PLEC: variants seen among roughly 807,000 people sequenced by gnomAD.
The protein encoded by PLEC is plectin, also known as hemidesmosomal protein 1.
A neutral mutation model predicts 392.8 loss-of-function variants in PLEC; 216 were observed. The observed-to-expected ratio is 0.55, with a 90% CI of 0.49 to 0.62. The LOEUF is 0.62. Among genes scored for constraint, PLEC ranks in the 20% least tolerant of loss-of-function variants. PLEC has a pLI of 0.00. For missense variants in PLEC, 6,863 were observed against 6,563.4 expected (o/e 1.05, Z -1.58); for synonymous variants, 3,621 against 2,980.6 (o/e 1.21, Z -7.00).
Position 143,924,376 on chromosome 8 carries a change from C to T in PLEC, c.5553G>A (p.Glu1851=). 1.3e-6 allele frequency: 2 copies of T among 1,596,654 alleles called. No individual in the cohort carries two copies. Among genetic ancestry groups the T allele is most frequent in the Non-Finnish European group, 1.7e-6 (2 of 1,178,616 alleles). Residue 1851 remains glutamate (E), a synonymous_variant, in exon 31 of 32, where the codon GAG becomes GAA. Transcript: ENST00000345136. ...AIGEATRLKT[E]AEIALKEKEA... ...CCTTCTCCTTGAGCGCGATCTCCGC[C>T]TCCGTCTTGAGCCGCGTGGCCTCGC...
In PLEC at chr8:143,921,795, G is replaced by A; in HGVS notation, c.8026C>T (p.His2676Tyr). The change falls in exon 32 of 32, where the codon CAC (histidine) becomes TAC (tyrosine). Residue 2676 changes from histidine (H) to tyrosine (Y), a missense_variant. His to Tyr is a moderately conservative substitution (Grantham distance 83, BLOSUM62 2). Coordinates refer to ENST00000345136, the MANE Select transcript of PLEC (RefSeq NM_201384.3). ...CGTGCGAGCTCGTCCACCGTGGTGT[G>A]GCCCTGCGCCAACCGCTGCAGCTCC... Reference protein sequence around the residue: ...AEELQRLAQGHTTVDELARRE... With the variant: ...AEELQRLAQGYTTVDELARRE... 6.2e-7 allele frequency: 1 copy of A among 1,610,348 alleles called. No homozygotes were observed. The highest frequency in any genetic ancestry group is 8.5e-7 in the Non-Finnish European group (1 of 1,179,710).
upstream of PLEC, chr8:143,953,995 G>C: frequency 8.4e-7 from 1 of 1,194,528 alleles, no homozygotes; most frequent in African/African-American, 1.6e-5. Flanking sequence ...TGTGGTTCTG[G>C]GGCACGCGAC....
chr8:143,939,368 C>G lies in PLEC; in HGVS notation c.94G>C (p.Ala32Pro), dbSNP rs1318860261. Residue 32 changes from alanine (A) to proline (P), a missense_variant, in exon 1 of 32, where the codon GCC becomes CCC. By Grantham distance (27) the Ala-to-Pro change is conservative. Transcript: ENST00000345136. ...CTGCTACCTTTCTTGCCCTCAGAGG[C>G]CCTGAGCACAGCCAGGTACAGGTTG... ...EDNLYLAVLRASEGKKDERDR... is the reference protein window; with the variant it reads ...EDNLYLAVLRPSEGKKDERDR... 9.3e-6 allele frequency: 15 copies of G among 1,612,376 alleles called. No homozygotes were observed. The highest frequency in any genetic ancestry group is 1.3e-5 in the Non-Finnish European group (15 of 1,179,714).
chr8:143,946,508 C>A (rs1019953830), intron 1 of PLEC: 7 of 715,624 alleles, frequency 9.8e-6, no homozygotes, highest in Non-Finnish European at 1.4e-5. Flanking sequence ...AGCAGCGGCT[C>A]CTCCTCGCAG....
In PLEC at chr8:143,922,167, T is replaced by C; in HGVS notation, c.7654A>G (p.Met2552Val). 2 of 1,541,824 alleles carry C rather than the reference T, an allele frequency of 1.3e-6. No homozygotes were observed. Among genetic ancestry groups the C allele is most frequent in the Non-Finnish European group, 1.7e-6 (2 of 1,148,704 alleles). Reference protein sequence around the residue: ...EQERQRLVASMEEARRRQHEA... With the variant: ...EQERQRLVASVEEARRRQHEA... ...TGCTGCCGCCGCCGCGCCTCCTCCA[T>C]GCTGGCCACCAGCCGCTGCCGTTCC... The change falls in exon 32 of 32, where the codon ATG (methionine) becomes GTG (valine). Residue 2552 changes from methionine (M) to valine (V), a missense_variant. Transcript: ENST00000345136.
In PLEC at chr8:143,927,701, C is replaced by T. The variant is rs782406935; in HGVS notation, c.3465G>A (p.Gly1155=). The T allele has an allele frequency of 5.0e-6, 8 of 1,584,864 alleles. 1 individual carries two copies. In the South Asian group the frequency reaches 9.1e-5, roughly 18 times the overall value. Residue 1155 remains glycine, a synonymous_variant, in exon 27 of 32, where the codon GGG becomes GGA. Transcript: ENST00000345136. The part of the protein sequence containing the change: ...TFDALRDELR[G]AQEVGERLQQ... ...GCAGTCGCTCCCCCACCTCCTGTGC[C>T]CCCCGCAGCTCATCCCGCAGGGCGT...
chr8:143,931,928 G>A lies in PLEC; in HGVS notation c.2178+9C>T, dbSNP rs114256617. On this transcript the variant is annotated intron_variant, in intron 18 of 31. Transcript: ENST00000345136. ...TGAGCCACAGTGCGGAGGGGGCTCC[G>A]GTTCTCACCTGAAAGTAGGCAGCGT... is the stretch of plus-strand genomic sequence containing the variant. 2.4e-4 allele frequency: 392 copies of A among 1,600,466 alleles called. 3 individuals carry two copies. In the African/African-American group the frequency reaches 4.0e-3, roughly 16 times the overall value.
Position 143,919,535 on chromosome 8 carries a change from G to A in PLEC, c.10286C>T (p.Ala3429Val), listed in dbSNP as rs782556459. ...GPELHEQLLS[A>V]EKAVTGYRDP... ...TCTGTAGCCGGTGACGGCCTTCTCGGCAGACAGCAGCTGCTCGTGAAGCTC... is the reference window on the plus strand; with the variant it reads ...TCTGTAGCCGGTGACGGCCTTCTCGACAGACAGCAGCTGCTCGTGAAGCTC... The change falls in exon 32 of 32, where the codon GCC becomes GTC. Residue 3429 changes from alanine (A) to valine (V), a missense_variant. By Grantham distance (64) the Ala-to-Val change is moderately conservative. Coordinates refer to ENST00000345136, the MANE Select transcript of PLEC (RefSeq NM_201384.3). 21 of 1,610,962 alleles carry A rather than the reference G, an allele frequency of 1.3e-5. 1 individual carries two copies. In the Middle Eastern group the frequency reaches 2.3e-3, roughly 177 times the overall value.
chr8:143,918,862 G>C lies in PLEC; in HGVS notation c.10959C>G (p.Phe3653Leu). 1 of 1,612,840 alleles carries C rather than the reference G, an allele frequency of 6.2e-7. No individual in the cohort carries two copies. The highest frequency in any genetic ancestry group is 8.5e-7 in the Non-Finnish European group (1 of 1,180,024). ...VRRRLTAEDLFEARIISLETY... is the reference protein window; with the variant it reads ...VRRRLTAEDLLEARIISLETY... Reference sequence around the variant, plus strand: ...TCTCGAGAGAGATGATCCGAGCCTCGAACAGGTCCTCAGCCGTGAGGCGGC... The same window carrying C: ...TCTCGAGAGAGATGATCCGAGCCTCCAACAGGTCCTCAGCCGTGAGGCGGC... The change falls in exon 32 of 32, where the codon TTC becomes TTG. Residue 3653 changes from phenylalanine to leucine, a missense_variant. Transcript: ENST00000345136.
rs782459978 is a variant in PLEC at position 143,923,929 on chromosome 8, G to A, written c.6000C>T (p.Ala2000=). The change falls in exon 31 of 32, where the codon GCC becomes GCT. Residue 2000 remains alanine (A), a synonymous_variant. Transcript: ENST00000345136. ...VQKSLAAEEE[A]ARQRKAALEE... ...CCAGCGCCGCCTTCCGCTGCCGTGC[G>A]GCCTCCTCCTCGGCCGCCAGGCTCT... 55 of 1,594,712 alleles carry A rather than the reference G, an allele frequency of 3.4e-5. No homozygotes were observed. The highest frequency in any genetic ancestry group is 1.7e-4 in the Middle Eastern group (1 of 5,768).
chr8:143,924,613 C>T lies in PLEC; in HGVS notation c.5316G>A (p.Ala1772=), dbSNP rs62642466. ...TGGAGCGCGACTCCTCCTCAGCCCT[C>T]GCCTTGCTGGCCAGCAGCACCTCCA... is the stretch of plus-strand genomic sequence containing the variant. The part of the protein sequence containing the change: ...AEMEVLLASK[A]RAEEESRSTS... The change falls in exon 31 of 32, where the codon GCG becomes GCA. Residue 1772 remains alanine, a synonymous_variant. Transcript: ENST00000345136. 7,089 of 1,541,956 alleles carry T rather than the reference C, an allele frequency of 4.6e-3. 190 individuals are homozygous for T. In the African/African-American group the frequency reaches 0.077, roughly 17 times the overall value.
intron 1 of PLEC, among the ~76,000 whole-genome samples, chr8:143,961,701 T>C (rs1481193946): frequency 2.0e-5 from 3 of 152,250 alleles, no homozygotes; most frequent in African/African-American, 7.2e-5. Context: ...TGTAAATTAA[T>C]GTCACAGAGA....
Position 143,921,032 on chromosome 8 carries a change from G to C in PLEC, c.8789C>G (p.Ser2930Trp). 6.2e-7 allele frequency: 1 copy of C among 1,612,854 alleles called. No homozygotes were observed. The highest frequency in any genetic ancestry group is 8.5e-7 in the Non-Finnish European group (1 of 1,180,024). ...KTVTIWEIIN[S>W]EYFTAEQRRD... ...CCGCTGCTCTGCCGTGAAGTATTCC[G>C]AGTTGATGATCTCCCAAATGGTCAC... Residue 2930 changes from serine to tryptophan, a missense_variant, in exon 32 of 32, where the codon TCG (serine) becomes TGG (tryptophan). Physicochemically the swap from Ser to Trp is radical, Grantham distance 177. Coordinates refer to ENST00000345136, the MANE Select transcript of PLEC (RefSeq NM_201384.3).
chr8:143,940,725 C>T (rs1388959383), upstream of PLEC, among the ~76,000 whole-genome samples: 1 of 152,192 alleles, frequency 6.6e-6, no homozygotes, highest in Non-Finnish European at 1.5e-5. Context: ...GCTCACCCCA[C>T]CTCATTCCTA....
chr8:143,919,716 C>T lies in PLEC; in HGVS notation c.10105G>A (p.Val3369Met), dbSNP rs201373953. ...CGGCGCATGGCCTCGTAGATGGACA[C>T]CTTCTCCTTGGTGTCCTCCAGGTAG... ...GIYLEDTKEK[V>M]SIYEAMRRGL... is the part of the protein sequence containing the mutation. The change falls in exon 32 of 32, where the codon GTG becomes ATG. Residue 3369 changes from valine (V) to methionine (M), a missense_variant. By Grantham distance (21) the Val-to-Met change is conservative (BLOSUM62 1). Coordinates refer to ENST00000345136, the MANE Select transcript of PLEC (RefSeq NM_201384.3). 5 of 1,605,990 alleles carry T rather than the reference C, an allele frequency of 3.1e-6. No homozygotes were observed. Among genetic ancestry groups the T allele is most frequent in the African/African-American group, 1.3e-5 (1 of 74,790 alleles).
rs1822770817 is a variant in PLEC at position 143,921,654 on chromosome 8, G to A, written c.8167C>T (p.Pro2723Ser). 1 of 1,613,056 alleles carries A rather than the reference G, an allele frequency of 6.2e-7. No individual in the cohort carries two copies. Among genetic ancestry groups the A allele is most frequent in the African/African-American group, 1.3e-5 (1 of 75,050 alleles). The change falls in exon 32 of 32, where the codon CCC (proline) becomes TCC (serine). Residue 2723 changes from proline to serine, a missense_variant. Transcript: ENST00000345136. Reference protein sequence around the residue: ...YAALQRQLLSPGTALILLEAQ... With the variant: ...YAALQRQLLSSGTALILLEAQ... ...TCCAGCAGGATGAGGGCCGTGCCGG[G>A]ACTCAGCAGCTGCCTCTGCAGGGCG...
chr8:143,936,416 G>C (rs1829069302), intron 5 of PLEC, among the ~76,000 whole-genome samples: 1 of 152,244 alleles, frequency 6.6e-6, no homozygotes, highest in South Asian at 2.1e-4. Context: ...ACCTGGCCCA[G>C]AACCCCCAGG....
At position 143,922,612 on chromosome 8, in the gene PLEC, C is replaced by T. The variant is rs1554689990; in HGVS notation, c.7317G>A (p.Gln2439=). The T allele has an allele frequency of 1.2e-6, 2 of 1,613,678 alleles. No individual in the cohort carries two copies. Among genetic ancestry groups the T allele is most frequent in the African/African-American group, 1.3e-5 (1 of 75,070 alleles). The change falls in exon 31 of 32, where the codon CAG becomes CAA. Residue 2439 remains glutamine (Q), a synonymous_variant. Coordinates refer to ENST00000345136, the MANE Select transcript of PLEC (RefSeq NM_201384.3). ...GGCGCTCGGCATCATGGTCACTCTG[C>T]TGTCGCTGGATCTCCAGTGTCTGCA... The part of the protein sequence containing the change: ...TLVQTLEIQR[Q]QSDHDAERLR...
chr8:143,937,540 T>C, intron 3 of PLEC: 1 of 520,852 alleles, frequency 1.9e-6, no homozygotes, highest in Non-Finnish European at 3.5e-6. Context: ...GGGGGGGTCC[T>C]CCTGCCTGGC....
Sources: gnomAD v4.1 joint callset for allele counts (sites outside exome capture counted in the v4.1 genomes callset) on GRCh38, gnomAD v4.1.1 for gene constraint, MANE v1.5 for transcripts, NCBI Gene and HGNC (gene_info 2026-07-23, HGNC 2026-07-21) for gene names.